Variants in UBL5 observed in about 807,000 individuals in gnomAD.
UBL5 encodes ubiquitin like 5.
A neutral mutation model predicts 11.7 loss-of-function variants in UBL5; 13 were observed. The ratio of observed to expected loss-of-function variants is 1.11; its 90% CI spans 0.73 to 1.77. The LOEUF is 1.77. UBL5 is among the 40% of genes most tolerant of loss of function. The pLI, the probability that UBL5 is intolerant of heterozygous loss-of-function variation, is 0.00. For synonymous variants in UBL5, 28 were observed against 34.7 expected (o/e 0.81, Z 0.68); for missense variants, 58 against 92.3 (o/e 0.63, Z 1.52).
chr19:9,828,996 G>A (rs2046041002), intron 4 of UBL5, 122 bp downstream of exon 4: 1 of 945,680 alleles, frequency 1.1e-6, no homozygotes, highest in Non-Finnish European at 1.7e-6. Flanking sequence ...GGCACATGGT[G>A]AGCACTTAGA....
Position 9,827,979 on chromosome 19 carries a change from T to C in UBL5, c.-17T>C, listed in dbSNP as rs1307387287. The C allele has an allele frequency of 2.8e-6, 1 of 362,360 alleles. No homozygotes were observed. Among genetic ancestry groups the C allele is most frequent in the Non-Finnish European group, 5.1e-6 (1 of 194,476 alleles). 22.4% of individuals were successfully genotyped at this position (362,360 alleles called of 1,614,324 possible). ...GGTGGCGTCGGCAGGTTCGAGGCGA[T>C]TCGAGGTGAGGGGGTCAAGCGGAGA... On this transcript the variant is annotated 5_prime_UTR_variant, in exon 1 of 5. Coordinates refer to ENST00000586895, the MANE Select transcript of UBL5 (RefSeq NM_001048241.3).
At chr19:9,829,495 AC>A (rs145633993) in intron 4 of UBL5, 2,216 of 157,090 alleles carry the variant, frequency 0.014, 55 homozygotes, top group African/African-American at 0.053. Flanking sequence ...AGGAACAGAA[AC>A]TTTTTTTTTT....
In UBL5 at chr19:9,828,866, T is replaced by TG; in HGVS notation, c.175dup (p.Asp59GlyfsTer3). On this transcript the variant is annotated frameshift_variant, in exon 4 of 5. Coordinates refer to ENST00000586895, the MANE Select transcript of UBL5 (RefSeq NM_001048241.3). ...ACGATTTTTAAGGACCACGTGTCTC[T>TG]GGGGGACTGTATCCTTTGTGTGACT... is the stretch of plus-strand genomic sequence containing the variant. 1 of 1,614,238 alleles carries TG rather than the reference T, an allele frequency of 6.2e-7. No homozygotes were observed. Among genetic ancestry groups the TG allele is most frequent in the Non-Finnish European group, 8.5e-7 (1 of 1,180,028 alleles).
rs764715694 is a variant in UBL5, at chr19:9,828,779, T to C, written c.141-58T>C. 5.6e-6 allele frequency: 9 copies of C among 1,611,780 alleles called. No homozygotes were observed. In the African/African-American group the frequency reaches 9.3e-5, roughly 17 times the overall value. On this transcript the variant is annotated intron_variant, in intron 3 of 4. Coordinates refer to ENST00000586895, the MANE Select transcript of UBL5 (RefSeq NM_001048241.3). ...TTTGCTTAGGCTTGGCTACCTCATT[T>C]GGCCTACAGACTGAAGAGCCTCCTT... is the stretch of plus-strand genomic sequence containing the variant.
chr19:9,828,806 G>A (rs1196447122), intron 3 of UBL5, 31 bp from the exon 4 acceptor site: 1 of 1,613,808 alleles, frequency 6.2e-7, no homozygotes, highest in Admixed American at 1.7e-5. Context: ...AGCCTCCTTA[G>A]CCTTATCTCT....
In UBL5 at chr19:9,830,094, C is replaced by G; in HGVS notation, c.*86C>G. ...TAGATGCTTGTTTGTAAAAACTCACCTTAATAAAGACTTAGATGTTGCTTT... is the reference window on the plus strand; with the variant it reads ...TAGATGCTTGTTTGTAAAAACTCACGTTAATAAAGACTTAGATGTTGCTTT... On this transcript the variant is annotated 3_prime_UTR_variant, in exon 5 of 5. Transcript: ENST00000586895. 6.5e-7 allele frequency: 1 copy of G among 1,547,580 alleles called. No homozygotes were observed. Among genetic ancestry groups the G allele is most frequent in the Non-Finnish European group, 8.9e-7 (1 of 1,124,890 alleles).
rs1023328641 is a variant in UBL5, at chr19:9,827,957, G to A, written c.-39G>A. The A allele has an allele frequency of 4.0e-5, 13 of 325,794 alleles. No individual in the cohort carries two copies. Among genetic ancestry groups the A allele is most frequent in the Non-Finnish European group, 6.4e-5 (11 of 171,962 alleles). The allele number at this position is 325,794 out of a possible 1,614,324, so 20.2% of individuals were successfully genotyped here. A position where few individuals can be genotyped will look rare whatever the true frequency, so the allele number is the denominator to read the frequency against. On this transcript the variant is annotated 5_prime_UTR_variant, in exon 1 of 5. Coordinates refer to ENST00000586895, the MANE Select transcript of UBL5 (RefSeq NM_001048241.3). ...TTCAGCGCTCGGGTGAGGAGCTGGT[G>A]GCGTCGGCAGGTTCGAGGCGATTCG...
At chr19:9,829,223 G>A (rs567496639) in intron 4 of UBL5, 14 of 230,628 alleles carry the variant, frequency 6.1e-5, no homozygotes, top group Non-Finnish European at 1.0e-4. Context: ...TGGCTCTGTC[G>A]CCCAGGCTGG....
Position 9,828,624 on chromosome 19 carries a change from T to A in UBL5, c.89T>A (p.Leu30Gln). The change falls in exon 3 of 5, where the codon CTG becomes CAG. Residue 30 changes from leucine (L) to glutamine (Q), a missense_variant. By Grantham distance (113) the Leu-to-Gln change is moderately radical. Transcript: ENST00000586895. ...TDDTIGDLKK[L>Q]IAAQTGTRWN... Reference sequence around the variant, plus strand: ...GATACCATCGGGGACCTTAAGAAGCTGATTGCAGCCCAAACTGGTACCCGT... The same window carrying A: ...GATACCATCGGGGACCTTAAGAAGCAGATTGCAGCCCAAACTGGTACCCGT... The A allele has an allele frequency of 6.2e-7, 1 of 1,614,194 alleles. No homozygotes were observed. Among genetic ancestry groups the A allele is most frequent in the Non-Finnish European group, 8.5e-7 (1 of 1,180,032 alleles).
chr19:9,828,783 C>A, intron 3 of UBL5, 54 bp from the exon 4 acceptor site: 2 of 1,612,096 alleles, frequency 1.2e-6, no homozygotes, highest in Non-Finnish European at 1.7e-6. Context: ...CTCATTTGGC[C>A]TACAGACTGA....
At chr19:9,829,917 G>T (rs1394755630) in intron 4 of UBL5, 48 bp from the exon 5 acceptor site, 3 of 1,611,344 alleles carry the variant, frequency 1.9e-6, no homozygotes, top group Admixed American at 1.7e-5. Context: ...GGATGAGAGG[G>T]GTGGGGACGG....
chr19:9,829,011 G>C (rs2046041042), intron 4 of UBL5, 137 bp downstream of exon 4: 1 of 824,084 alleles, frequency 1.2e-6, no homozygotes, highest in Non-Finnish European at 2.0e-6. Flanking sequence ...CTTAGAAAAT[G>C]GGAGCTAGGT....
Position 9,829,884 on chromosome 19 carries a change from G to A in UBL5, c.179-81G>A, listed in dbSNP as rs547097911. The stretch of plus-strand genomic sequence containing the variant: ...TCCTTAGCCCTGGGCTGAGACCTCA[G>A]GCCACCTGACCCGGCTGTGAATGGA... On this transcript the variant is annotated intron_variant, in intron 4 of 4. Coordinates refer to ENST00000586895, the MANE Select transcript of UBL5 (RefSeq NM_001048241.3). The A allele has an allele frequency of 3.7e-5, 57 of 1,561,634 alleles. No individual in the cohort carries two copies. The African/African-American group carries it at 6.9e-4, about 19-fold the overall frequency.
At chr19:9,828,250 A>G (rs1370194599) in intron 1 of UBL5, 77 bp from the exon 2 acceptor site, 18 of 1,389,860 alleles carry the variant, frequency 1.3e-5, no homozygotes, top group Admixed American at 1.7e-5. Flanking sequence ...GGAGACTTGT[A>G]GGCTGGGGCT....
chr19:9,828,906 C>T, intron 4 of UBL5, 32 bp downstream of exon 4: 1 of 1,609,784 alleles, frequency 6.2e-7, no homozygotes, highest in South Asian at 1.1e-5. Context: ...GAGGAAGCAT[C>T]TACATACCCA....
chr19:9,828,162 G>T (rs1414767041), intron 1 of UBL5, 165 bp from the exon 2 acceptor site: 6 of 672,020 alleles, frequency 8.9e-6, no homozygotes, highest in Non-Finnish European at 1.0e-5. Flanking sequence ...GGGACTTGGG[G>T]CCTGGGAGTA....
At chr19:9,829,106 C>T (rs1295075688) in intron 4 of UBL5, 3 of 588,128 alleles carry the variant, frequency 5.1e-6, no homozygotes, top group East Asian at 5.6e-5. Context: ...CACCTGAGTG[C>T]TGGACAGTAG....
At position 9,828,324 on chromosome 19, in the gene UBL5, T is replaced by C; in HGVS notation, c.-11-3T>C. The C allele has an allele frequency of 6.2e-7, 1 of 1,612,712 alleles. No homozygotes were observed. The highest frequency in any genetic ancestry group is 8.5e-7 in the Non-Finnish European group (1 of 1,178,760). ...CCTCCCACCCACCCCCCGCTTTGTG[T>C]AGCTCCAGCTAGGATGATCGAGGTT... On this transcript the variant is annotated splice_polypyrimidine_tract_variant and splice_region_variant and intron_variant, in intron 1 of 4. Transcript: ENST00000586895.
Position 9,827,966 on chromosome 19 carries a change from A to T in UBL5, c.-30A>T. ...CGGGTGAGGAGCTGGTGGCGTCGGC[A>T]GGTTCGAGGCGATTCGAGGTGAGGG... is the stretch of plus-strand genomic sequence containing the variant. On this transcript the variant is annotated 5_prime_UTR_variant, in exon 1 of 5. Transcript: ENST00000586895. The T allele has an allele frequency of 9.1e-6, 3 of 329,508 alleles. No homozygotes were observed. The highest frequency in any genetic ancestry group is 2.1e-5 in the African/African-American group (1 of 46,692). The allele number at this position is 329,508 out of a possible 1,614,324, so 20.4% of individuals were successfully genotyped here. A position where few individuals can be genotyped will look rare whatever the true frequency, so the allele number is the denominator to read the frequency against.
Sources: allele counts gnomAD v4.1 joint callset, GRCh38; gene constraint gnomAD v4.1.1; transcripts MANE v1.5; gene names NCBI Gene and HGNC (gene_info 2026-07-23, HGNC 2026-07-21).